LRMDA: variants seen among roughly 807,000 people sequenced by gnomAD.
LRMDA encodes the protein leucine-rich melanocyte differentiation-associated protein.
In LRMDA, 18 loss-of-function variants were observed where a neutral mutation model predicts 29.8. The ratio of observed to expected loss-of-function variants is 0.60; its 90% CI spans 0.42 to 0.90. The LOEUF is 0.90. Among genes scored for constraint, LRMDA ranks in the 40% least tolerant of loss-of-function variants. The probability of loss-of-function intolerance (pLI) is 0.00; values close to 1 mark genes in which losing one functional copy is unlikely to be tolerated. For missense variants in LRMDA, 273 were observed against 273.9 expected, an observed-to-expected ratio of 1.00 and a Z score of 0.02; for synonymous variants, 125 against 109.4, an observed-to-expected ratio of 1.14 and a Z score of -0.89.
chr10:75,447,181 T>G (rs1391882549), intron 2 of LRMDA, among the ~76,000 whole-genome samples: 1 of 152,204 alleles, frequency 6.6e-6, no homozygotes, highest in Non-Finnish European at 1.5e-5. Context: ...AGTGTTCTCT[T>G]TAAGCTGAGC....
chr10:75,767,698 T>G (rs1189934657), intron 2 of LRMDA, among the ~76,000 whole-genome samples: 11 of 152,214 alleles, frequency 7.2e-5, no homozygotes, highest in African/African-American at 2.2e-4. Flanking sequence ...TATGACTTTG[T>G]GTCTTTGGTA....
chr10:75,853,433 GGTGTGTGTGTGTGT>G (rs3042495), intron 2 of LRMDA, among the ~76,000 whole-genome samples: 3 of 147,606 alleles, frequency 2.0e-5, no homozygotes, highest in East Asian at 2.0e-4. Context: ...AAAGAAGAGG[GGTGTGTGTGTGTGT>G]GTGTGTGTGT....
intron 5 of LRMDA, among the ~76,000 whole-genome samples, chr10:76,120,512 C>A (rs1207303090): frequency 6.6e-6 from 1 of 152,042 alleles, no homozygotes; most frequent in Non-Finnish European, 1.5e-5. Flanking sequence ...TTTTAATTTT[C>A]ATACTGCGCC....
intron 6 of LRMDA, among the ~76,000 whole-genome samples, chr10:76,373,106 C>A (rs1225298684): frequency 6.6e-6 from 1 of 152,116 alleles, no homozygotes; most frequent in Non-Finnish European, 1.5e-5. Context: ...ATATATTTAA[C>A]CACACAATTT....
intron 2 of LRMDA, among the ~76,000 whole-genome samples, chr10:75,677,574 AC>A (rs1461057880): frequency 6.6e-6 from 1 of 152,198 alleles, no homozygotes; most frequent in African/African-American, 2.4e-5. Flanking sequence ...AGATATGGGA[AC>A]TGAAGACTTT....
chr10:76,369,123 G>A (rs184873410), intron 6 of LRMDA, among the ~76,000 whole-genome samples: 1 of 152,156 alleles, frequency 6.6e-6, no homozygotes, highest in Non-Finnish European at 1.5e-5. Flanking sequence ...GAAATGTGAG[G>A]TGCTGTTGCT....
At chr10:75,634,048 T>A (rs1184167649) in intron 2 of LRMDA, among the ~76,000 whole-genome samples, 1 of 152,232 alleles carries the variant, frequency 6.6e-6, no homozygotes, top group African/African-American at 2.4e-5. Flanking sequence ...ATAAACAATC[T>A]CTTAGGGTCA....
chr10:75,747,553 G>A (rs763119854), intron 2 of LRMDA, among the ~76,000 whole-genome samples: 2 of 152,190 alleles, frequency 1.3e-5, no homozygotes, highest in Admixed American at 6.5e-5. Context: ...AAGTTACTGT[G>A]TTGGTGAGAC....
chr10:75,562,149 T>A (rs1282171785), intron 2 of LRMDA, among the ~76,000 whole-genome samples: 2 of 152,114 alleles, frequency 1.3e-5, no homozygotes, highest in East Asian at 1.9e-4. Context: ...TCTCCCATTA[T>A]TATTGTGTGG....
intron 2 of LRMDA, among the ~76,000 whole-genome samples, chr10:75,665,526 A>G (rs148957078): frequency 2.0e-5 from 3 of 151,986 alleles, no homozygotes; most frequent in Non-Finnish European, 2.9e-5. Flanking sequence ...AAAGTATAAT[A>G]AAAAAAATGC....
chr10:76,010,351 C>T (rs938018358), intron 2 of LRMDA, among the ~76,000 whole-genome samples: 33 of 145,164 alleles, frequency 2.3e-4, no homozygotes, highest in African/African-American at 7.6e-4. Context: ...CTCACTCTGT[C>T]GCCCAGGCTG....
At chr10:75,663,888 G>A (rs549247977) in intron 2 of LRMDA, among the ~76,000 whole-genome samples, 4 of 152,238 alleles carry the variant, frequency 2.6e-5, no homozygotes, top group Middle Eastern at 3.4e-3. Flanking sequence ...GGAGCCCCAC[G>A]TCAAACAAAA....
chr10:75,785,056 C>T (rs1340241171), intron 2 of LRMDA, among the ~76,000 whole-genome samples: 1 of 152,294 alleles, frequency 6.6e-6, no homozygotes, highest in African/African-American at 2.4e-5. Flanking sequence ...GTGGCATGGA[C>T]GCGCAGGAGC....
At chr10:75,465,336 C>T (rs370950002) in intron 2 of LRMDA, among the ~76,000 whole-genome samples, 5 of 152,158 alleles carry the variant, frequency 3.3e-5, no homozygotes, top group Admixed American at 6.5e-5. Flanking sequence ...GTCTTCTGTT[C>T]GCCTTCTAAA....
At chr10:76,189,738 AC>A (rs1187630451) in intron 5 of LRMDA, among the ~76,000 whole-genome samples, 1 of 152,180 alleles carries the variant, frequency 6.6e-6, no homozygotes, top group East Asian at 1.9e-4. Flanking sequence ...TGCTGTGGTG[AC>A]CCAGGGCCCT....
chr10:76,384,857 A>G (rs1476964901), intron 6 of LRMDA, among the ~76,000 whole-genome samples: 1 of 152,250 alleles, frequency 6.6e-6, no homozygotes, highest in Non-Finnish European at 1.5e-5. Context: ...GTCTCTGCCA[A>G]TATCACAGGT....
In LRMDA at chr10:76,298,524, G is replaced by C. The variant is rs372040442; in HGVS notation, c.517-25877G>C. 2.9e-4 allele frequency among the ~76,000 whole-genome samples: 44 copies of C among 152,258 alleles called. No individual in the cohort carries two copies. In the South Asian group the frequency reaches 6.0e-3, roughly 21 times the overall value. On this transcript the variant is annotated intron_variant, in intron 5 of 6. Coordinates refer to ENST00000611255, the MANE Select transcript of LRMDA (RefSeq NM_001305581.2). ...AAAGGTAGGAGAGGAAATGAACTCT[G>C]ACTTAGAGACTCTCAAAGTCTGTCA...
chr10:76,556,016 TA>T (rs1843552733), intron 6 of LRMDA, among the ~76,000 whole-genome samples: 1 of 152,136 alleles, frequency 6.6e-6, no homozygotes, highest in South Asian at 2.1e-4. Flanking sequence ...TAGAAGAAAA[TA>T]AAAATGCAGG....
At chr10:75,703,826 T>A (rs1394175260) in intron 2 of LRMDA, among the ~76,000 whole-genome samples, 1 of 152,250 alleles carries the variant, frequency 6.6e-6, no homozygotes, top group Non-Finnish European at 1.5e-5. Context: ...AGGATCGGCA[T>A]GTGGAAATTG....
Sources: gnomAD v4.1 joint callset for allele counts (sites outside exome capture counted in the v4.1 genomes callset) on GRCh38, gnomAD v4.1.1 for gene constraint, MANE v1.5 for transcripts, NCBI Gene and HGNC (gene_info 2026-07-23, HGNC 2026-07-21) for gene names.